LUZP2: variants seen among roughly 807,000 people sequenced by gnomAD.
LUZP2 encodes leucine zipper protein 2.
In LUZP2, 52 loss-of-function variants were observed where a neutral mutation model predicts 51.6. That is an observed-to-expected ratio of 1.01 (90% CI 0.81 to 1.27). LUZP2 has a LOEUF of 1.27. Among genes scored for constraint, LUZP2 ranks in the 50% most tolerant of loss-of-function variants. LUZP2 has a pLI of 0.00. For missense variants in LUZP2, 436 were observed against 395.4 expected (o/e 1.10, Z -0.87); for synonymous variants, 154 against 137.3 (o/e 1.12, Z -0.85).
At position 24,517,769 on chromosome 11, in the gene LUZP2, C is replaced by T. The variant is rs1850524642; in HGVS notation, c.62+20464C>T. Among the ~76,000 whole-genome samples the T allele has an allele frequency of 2.0e-5, 3 of 151,968 alleles. No individual in the cohort carries two copies. The South Asian group carries it at 6.2e-4, about 31-fold the overall frequency. ...TTAATCTTGACTTATTGAAAAATGGCATCATTTTGCTTCCCATGGTTATTT... is the reference window on the plus strand; with the variant it reads ...TTAATCTTGACTTATTGAAAAATGGTATCATTTTGCTTCCCATGGTTATTT... On this transcript the variant is annotated intron_variant, in intron 1 of 11. Transcript: ENST00000336930.
chr11:24,672,495 A>G (rs1044043333), intron 1 of LUZP2, among the ~76,000 whole-genome samples: 4 of 152,166 alleles, frequency 2.6e-5, no homozygotes, highest in African/African-American at 9.7e-5. Flanking sequence ...ACAACTCAGA[A>G]AACATTTTTG....
At chr11:24,618,006 A>G (rs961103156) in intron 1 of LUZP2, among the ~76,000 whole-genome samples, 4 of 152,126 alleles carry the variant, frequency 2.6e-5, no homozygotes, top group African/African-American at 9.7e-5. Flanking sequence ...TACTACTGCC[A>G]GATAGTGGAA....
At chr11:24,640,972 T>C (rs1189498020) in intron 1 of LUZP2, among the ~76,000 whole-genome samples, 1 of 58,072 alleles carries the variant, frequency 1.7e-5, no homozygotes, top group Admixed American at 1.4e-4. Context: ...GATATAGATA[T>C]AGATATAGAT....
At chr11:24,562,356 G>T (rs1852070365) in intron 1 of LUZP2, among the ~76,000 whole-genome samples, 1 of 151,782 alleles carries the variant, frequency 6.6e-6, no homozygotes, top group African/African-American at 2.4e-5. Flanking sequence ...GTAACTTAAT[G>T]ATAATTTCTG....
At chr11:24,882,196 C>A (rs896243265) in intron 5 of LUZP2, among the ~76,000 whole-genome samples, 14 of 152,086 alleles carry the variant, frequency 9.2e-5, no homozygotes, top group Admixed American at 4.6e-4. Flanking sequence ...GTCCAACATA[C>A]TTTAAATAGT....
At chr11:24,808,528 C>G (rs1849920099) in intron 5 of LUZP2, among the ~76,000 whole-genome samples, 1 of 152,044 alleles carries the variant, frequency 6.6e-6, no homozygotes, top group Admixed American at 6.6e-5. Context: ...GTTATATTCT[C>G]CAATATAGAT....
At chr11:24,910,776 A>C (rs1367619849) in intron 6 of LUZP2, among the ~76,000 whole-genome samples, 1 of 152,178 alleles carries the variant, frequency 6.6e-6, no homozygotes, top group African/African-American at 2.4e-5. Context: ...TTCTACACAG[A>C]GTCACCACCG....
chr11:24,639,661 G>A (rs762144418), intron 1 of LUZP2, among the ~76,000 whole-genome samples: 1 of 151,820 alleles, frequency 6.6e-6, no homozygotes, highest in African/African-American at 2.4e-5. Context: ...ACGTTGGTCA[G>A]GCTGGTCTCT....
At chr11:24,881,979 C>T (rs1462397825) in intron 5 of LUZP2, among the ~76,000 whole-genome samples, 2 of 151,864 alleles carry the variant, frequency 1.3e-5, no homozygotes, top group African/African-American at 4.8e-5. Context: ...TTATCTGTTA[C>T]TCAATTCCTT....
intron 1 of LUZP2, among the ~76,000 whole-genome samples, chr11:24,662,632 G>C (rs756718582): frequency 6.6e-6 from 1 of 151,832 alleles, no homozygotes; most frequent in Non-Finnish European, 1.5e-5. Flanking sequence ...ATGAAGAAAA[G>C]GCTTAATCTT....
At chr11:24,780,692 C>A (rs1035889970) in intron 5 of LUZP2, among the ~76,000 whole-genome samples, 1 of 152,046 alleles carries the variant, frequency 6.6e-6, no homozygotes, top group Non-Finnish European at 1.5e-5. Flanking sequence ...GTTTTACATG[C>A]ATTATGTCAC....
At chr11:24,991,033 T>C (rs901639727) in intron 9 of LUZP2, among the ~76,000 whole-genome samples, 2 of 151,992 alleles carry the variant, frequency 1.3e-5, no homozygotes, top group African/African-American at 4.8e-5. Flanking sequence ...AGTAAGTTCT[T>C]TAGCAGTGAT....
rs146358340 is a variant in LUZP2 at position 25,015,200 on chromosome 11, A to G, written c.765+31907A>G. ...TCTCACAAAACACTAAAAGAAAGAA[A>G]CATTATTATCCTGTTTTAAAAATAA... On this transcript the variant is annotated intron_variant, in intron 9 of 11. Coordinates refer to ENST00000336930, the MANE Select transcript of LUZP2 (RefSeq NM_001009909.4). Among the ~76,000 whole-genome samples, 1,226 of 152,314 alleles carry G rather than the reference A, an allele frequency of 8.0e-3. 44 individuals are homozygous for G. The highest frequency in any genetic ancestry group is 0.06 in the Admixed American group (920 of 15,288).
chr11:24,607,159 T>G (rs902206861), intron 1 of LUZP2, among the ~76,000 whole-genome samples: 2 of 151,832 alleles, frequency 1.3e-5, no homozygotes, highest in Non-Finnish European at 2.9e-5. Context: ...CAATCATTTA[T>G]TTTTTATTTT....
chr11:24,792,721 T>C (rs1849441638), intron 5 of LUZP2, among the ~76,000 whole-genome samples: 1 of 152,182 alleles, frequency 6.6e-6, no homozygotes, highest in Non-Finnish European at 1.5e-5. Context: ...AATCTTCTTT[T>C]ATGAATTTTT....
chr11:24,519,552 A>G (rs1279772189), intron 1 of LUZP2, among the ~76,000 whole-genome samples: 4 of 152,202 alleles, frequency 2.6e-5, no homozygotes, highest in East Asian at 1.9e-4. Context: ...CAGACCTACT[A>G]TGTCTTCCTC....
Position 24,876,412 on chromosome 11 carries a change from A to G in LUZP2, c.397-29579A>G, listed in dbSNP as rs1422871534. Among the ~76,000 whole-genome samples the G allele has an allele frequency of 3.0e-3, 448 of 149,332 alleles. 2 individuals carry two copies. Among genetic ancestry groups the G allele is most frequent in the African/African-American group, 0.01 (418 of 40,322 alleles). On this transcript the variant is annotated intron_variant, in intron 5 of 11. Transcript: ENST00000336930. Reference sequence around the variant, plus strand: ...TGTCAAAGATGAGATAGTTGTAGATATGCGGCGTTATTTCTGAGGGCTCTG... The same window carrying G: ...TGTCAAAGATGAGATAGTTGTAGATGTGCGGCGTTATTTCTGAGGGCTCTG...
intron 9 of LUZP2, among the ~76,000 whole-genome samples, chr11:24,997,439 G>A (rs946851444): frequency 3.9e-5 from 6 of 152,012 alleles, no homozygotes; most frequent in African/African-American, 9.7e-5. Context: ...GTCTGTTCAT[G>A]TCCTTCGCCC....
At chr11:24,656,990 C>T (rs1329305816) in intron 1 of LUZP2, among the ~76,000 whole-genome samples, 4 of 152,196 alleles carry the variant, frequency 2.6e-5, no homozygotes, top group Middle Eastern at 3.4e-3. Context: ...AGGATTAAGG[C>T]GTGGAAACTA....
Sources: allele counts gnomAD v4.1 joint callset (sites outside exome capture counted in the v4.1 genomes callset), GRCh38; gene constraint gnomAD v4.1.1; transcripts MANE v1.5; gene names NCBI Gene and HGNC (gene_info 2026-07-23, HGNC 2026-07-21).